The following DCDC1 variants were observed in gnomAD, a reference collection of about 807,000 sequenced individuals.
DCDC1 encodes doublecortin domain containing 1, also known as doublecortin domain-containing protein 1.
In DCDC1, 200 loss-of-function variants were observed where a neutral mutation model predicts 178.3. That is an observed-to-expected ratio of 1.12 (90% confidence interval 1.00 to 1.26). DCDC1 has a LOEUF of 1.26. Ranked by LOEUF, DCDC1 falls within the 50% of genes most tolerant of loss-of-function variation. DCDC1 has a pLI of 0.00. For synonymous variants in DCDC1, 690 were observed against 604.8 expected, an observed-to-expected ratio of 1.14 and a Z score of -2.07; for missense variants, 1,983 against 1,749.2, an observed-to-expected ratio of 1.13 and a Z score of -2.38.
intron 6 of DCDC1, 131 bp downstream of exon 6, chr11:31,305,484 T>G: frequency 2.0e-5 from 24 of 1,187,364 alleles, no homozygotes; most frequent in Non-Finnish European, 2.7e-5. Flanking sequence ...ATCCTCTTAC[T>G]GAGCTGTAAA....
intron 9 of DCDC1, among the ~76,000 whole-genome samples, chr11:31,157,624 T>C (rs1226488894): frequency 6.6e-6 from 1 of 151,954 alleles, no homozygotes; most frequent in Non-Finnish European, 1.5e-5. Context: ...TTATGAGTTA[T>C]CTAGAGTAAT....
chr11:31,349,075 A>G (rs1950950193), intron 1 of DCDC1, among the ~76,000 whole-genome samples: 1 of 152,096 alleles, frequency 6.6e-6, no homozygotes, highest in South Asian at 2.1e-4. Flanking sequence ...AGACTCAAAT[A>G]AGTTATGTTT....
At chr11:30,986,746 A>G (rs1477504603) in intron 20 of DCDC1, among the ~76,000 whole-genome samples, 1 of 152,196 alleles carries the variant, frequency 6.6e-6, no homozygotes, top group Non-Finnish European at 1.5e-5. Context: ...GAAAGAATGA[A>G]AATTTGTAGA....
chr11:31,024,851 G>A (rs1368245750), intron 20 of DCDC1, among the ~76,000 whole-genome samples: 7 of 151,832 alleles, frequency 4.6e-5, no homozygotes, highest in African/African-American at 1.7e-4. Context: ...TCATTGAATA[G>A]ATGAAATATG....
chr11:30,875,624 T>C (rs1248279931), intron 38 of DCDC1, among the ~76,000 whole-genome samples: 1 of 152,084 alleles, frequency 6.6e-6, no homozygotes, highest in Non-Finnish European at 1.5e-5. Context: ...TATTGAAGGT[T>C]AGCTCACAAA....
At chr11:31,328,022 G>T (rs533995205) in intron 3 of DCDC1, 95 bp downstream of exon 3, 5 of 1,265,610 alleles carry the variant, frequency 4.0e-6, no homozygotes, top group South Asian at 4.4e-5. Context: ...GAGCCACCTG[G>T]CCCGGCCAAG....
intron 34 of DCDC1, among the ~76,000 whole-genome samples, chr11:30,896,988 T>C (rs1944275844): frequency 6.6e-6 from 1 of 152,200 alleles, no homozygotes; most frequent in Non-Finnish European, 1.5e-5. Flanking sequence ...ATACCTCCTG[T>C]TTTAGCCAAC....
At chr11:31,272,785 C>T (rs1945667778) in intron 7 of DCDC1, among the ~76,000 whole-genome samples, 1 of 152,240 alleles carries the variant, frequency 6.6e-6, no homozygotes, top group Non-Finnish European at 1.5e-5. Context: ...CTTTCATGGG[C>T]TGGTGTTGAA....
At chr11:31,009,737 T>C (rs1465574623) in intron 20 of DCDC1, among the ~76,000 whole-genome samples, 1 of 152,162 alleles carries the variant, frequency 6.6e-6, no homozygotes, top group African/African-American at 2.4e-5. Context: ...GGGAGGTACA[T>C]TAGTCCGTTT....
chr11:31,071,645 C>T (rs1956568717), intron 18 of DCDC1, among the ~76,000 whole-genome samples: 1 of 152,124 alleles, frequency 6.6e-6, no homozygotes, highest in Non-Finnish European at 1.5e-5. Flanking sequence ...AGTATTCAGT[C>T]ACATCATGGC....
intron 1 of DCDC1, among the ~76,000 whole-genome samples, chr11:31,337,654 C>T (rs1950338710): frequency 8.3e-6 from 1 of 120,586 alleles, no homozygotes; most frequent in African/African-American, 3.5e-5. Context: ...GAGTGAGACC[C>T]TGTCTCAATC....
chr11:31,138,097 TTA>T (rs1963376703), intron 9 of DCDC1, among the ~76,000 whole-genome samples: 1 of 100,496 alleles, frequency 1.0e-5, no homozygotes. Context: ...CAGCAACTTT[TTA>T]AAAAAAAATT....
chr11:31,229,632 A>G (rs542140502), intron 9 of DCDC1, among the ~76,000 whole-genome samples: 1 of 152,306 alleles, frequency 6.6e-6, no homozygotes, highest in Admixed American at 6.5e-5. Flanking sequence ...ACAAAAAGGT[A>G]GCAAAGTTGT....
chr11:31,148,309 G>A (rs1025960492), intron 9 of DCDC1, among the ~76,000 whole-genome samples: 2 of 151,684 alleles, frequency 1.3e-5, no homozygotes, highest in Non-Finnish European at 2.9e-5. Context: ...CAGTCTGGGA[G>A]GCCGAAGTGG....
intron 3 of DCDC1, among the ~76,000 whole-genome samples, chr11:31,316,277 T>C (rs1428783857): frequency 1.7e-5 from 2 of 118,862 alleles, no homozygotes; most frequent in Non-Finnish European, 3.4e-5. Context: ...ACCAACAGTG[T>C]AAAAGTGTTC....
At chr11:31,181,600 C>T (rs2136288244) in intron 9 of DCDC1, among the ~76,000 whole-genome samples, 1 of 152,276 alleles carries the variant, frequency 6.6e-6, no homozygotes, top group South Asian at 2.1e-4. Flanking sequence ...CTCCAGCAAA[C>T]TCTAACAGAC....
At chr11:30,935,774 G>A (rs1040412073) in intron 21 of DCDC1, among the ~76,000 whole-genome samples, 3 of 152,108 alleles carry the variant, frequency 2.0e-5, no homozygotes, top group African/African-American at 2.4e-5. Flanking sequence ...GGCTGGTCTC[G>A]AACTCCTGAC....
chr11:30,900,034 A>T (rs984883224), intron 33 of DCDC1, among the ~76,000 whole-genome samples: 1 of 152,110 alleles, frequency 6.6e-6, no homozygotes, highest in African/African-American at 2.4e-5. Flanking sequence ...AGTGTGAATT[A>T]AACTCATTTG....
At position 31,134,045 on chromosome 11, in the gene DCDC1, A is replaced by T. The variant is rs937028441; in HGVS notation, c.1314+3647T>A. Among the ~76,000 whole-genome samples, 5 of 152,288 alleles carry T rather than the reference A, an allele frequency of 3.3e-5. No homozygotes were observed. The East Asian group carries it at 9.7e-4, about 29-fold the overall frequency. The stretch of plus-strand genomic sequence containing the variant: ...TTAATAGCTTCCTAGAACCCTTCTG[A>T]GATGAGAAACATATTGGAGGTAGAT... On this transcript the variant is annotated intron_variant, in intron 10 of 38. Coordinates refer to ENST00000684477, the MANE Select transcript of DCDC1 (RefSeq NM_001387274.1).
Sources: gnomAD v4.1 joint callset for allele counts (sites outside exome capture counted in the v4.1 genomes callset) on GRCh38, gnomAD v4.1.1 for gene constraint, MANE v1.5 for transcripts, NCBI Gene and HGNC (gene_info 2026-07-23, HGNC 2026-07-21) for gene names.